The following EDRF1 variants were observed in gnomAD, a reference collection of about 807,000 sequenced individuals.
EDRF1 encodes erythroid differentiation-related factor 1.
In EDRF1, 69 loss-of-function variants were observed where a neutral mutation model predicts 148.7. The ratio of observed to expected loss-of-function variants is 0.46; its 90% CI spans 0.38 to 0.57. EDRF1 has a LOEUF of 0.57. Ranked by LOEUF, EDRF1 falls within the 20% of genes least tolerant of loss-of-function variation. The pLI is 0.00. For synonymous variants in EDRF1, 515 were observed against 532.8 expected (o/e 0.97, Z 0.46); for missense variants, 1,118 against 1,478.7 (o/e 0.76, Z 4.00).
intron 6 of EDRF1, 131 bp downstream of exon 6, chr10:125,725,969 G>A: frequency 9.7e-7 from 1 of 1,033,284 alleles, no homozygotes; most frequent in Non-Finnish European, 1.4e-6. Context: ...GGGGAAAAAA[G>A]ACTTCTGTCA....
At chr10:125,722,909 C>A (rs1202944009) in intron 2 of EDRF1, among the ~76,000 whole-genome samples, 159 bp from the exon 3 acceptor site, 1 of 152,034 alleles carries the variant, frequency 6.6e-6, no homozygotes, top group East Asian at 1.9e-4. Flanking sequence ...GAAAAAAAAA[C>A]TTGCCAACTG....
chr10:125,752,424 A>G (rs2133754727), intron 22 of EDRF1, among the ~76,000 whole-genome samples: 1 of 152,330 alleles, frequency 6.6e-6, no homozygotes, highest in Middle Eastern at 3.4e-3. Context: ...GTAATAAACT[A>G]TTTTACAGAT....
intron 18 of EDRF1, 58 bp from the exon 19 acceptor site, chr10:125,745,649 T>C: frequency 1.3e-6 from 2 of 1,567,044 alleles, no homozygotes; most frequent in Admixed American, 1.7e-5. Flanking sequence ...CAAGAGACAG[T>C]GCTAAGGTTT....
At position 125,741,116 on chromosome 10, in the gene EDRF1, AG is replaced by A; in HGVS notation, c.2287del (p.Ala763GlnfsTer40). On this transcript the variant is annotated frameshift_variant, in exon 17 of 25. Transcript: ENST00000356792. LOFTEE classifies it high-confidence loss of function. ...TGCTGGCCCAGAATGCAAATAATAG[AG>A]CAGCACACCTTGAAGAGTTTCATTA... ...LMLAQNANNR[A>X]AHLEEFHYQT... 6.2e-7 allele frequency: 1 copy of A among 1,614,166 alleles called. No homozygotes were observed. Among genetic ancestry groups the A allele is most frequent in the Non-Finnish European group, 8.5e-7 (1 of 1,180,046 alleles).
chr10:125,745,662 A>C, intron 18 of EDRF1, 45 bp from the exon 19 acceptor site: 1 of 1,597,292 alleles, frequency 6.3e-7, no homozygotes, highest in East Asian at 2.2e-5. Context: ...TAAGGTTTAC[A>C]CTGATGTCTG....
At position 125,733,265 on chromosome 10, in the gene EDRF1, A is replaced by G. The variant is rs532473147; in HGVS notation, c.1129-139A>G. 4 of 653,956 alleles carry G rather than the reference A, an allele frequency of 6.1e-6. No individual in the cohort carries two copies. In the East Asian group the frequency reaches 1.2e-4, roughly 20 times the overall value. 40.5% of individuals were successfully genotyped at this position (653,956 alleles called of 1,614,324 possible). A position where few individuals can be genotyped will look rare whatever the true frequency, so the allele number is the denominator to read the frequency against. On this transcript the variant is annotated intron_variant, in intron 9 of 24. Transcript: ENST00000356792. ...GGAGGCTGGGGCAGAAAAAAGATTA[A>G]AAACCACTGGTTTAAACACTTTCAT...
intron 6 of EDRF1, among the ~76,000 whole-genome samples, chr10:125,727,225 GCC>G (rs1002172913): frequency 2.0e-5 from 3 of 152,174 alleles, no homozygotes; most frequent in African/African-American, 7.2e-5. Context: ...ACACAGCAAG[GCC>G]CTACTAACAG....
chr10:125,749,326 G>C, intron 21 of EDRF1, 86 bp from the exon 22 acceptor site: 1 of 1,499,074 alleles, frequency 6.7e-7, no homozygotes, highest in East Asian at 2.3e-5. Flanking sequence ...AAGACCCACA[G>C]TGGGGGAAAA....
At position 125,719,724 on chromosome 10, in the gene EDRF1, T is replaced by C; in HGVS notation, c.-84T>C. ...CCGGAAGTGCGGTCCGCGGAGCGTC[T>C]CTGGCGCTTACCCTGCTTTGGGCCT... is the stretch of plus-strand genomic sequence containing the variant. On this transcript the variant is annotated 5_prime_UTR_variant, in exon 1 of 25. Transcript: ENST00000356792. 2 of 1,067,110 alleles carry C rather than the reference T, an allele frequency of 1.9e-6. No individual in the cohort carries two copies. Among genetic ancestry groups the C allele is most frequent in the Non-Finnish European group, 2.7e-6 (2 of 738,782 alleles). The allele number at this position is 1,067,110 out of a possible 1,614,324, so 66.1% of individuals were successfully genotyped here.
Position 125,740,562 on chromosome 10 carries a change from A to G in EDRF1, c.2081A>G (p.Lys694Arg), listed in dbSNP as rs892594410. The G allele has an allele frequency of 6.2e-7, 1 of 1,614,028 alleles. No homozygotes were observed. The highest frequency in any genetic ancestry group is 1.3e-5 in the African/African-American group (1 of 74,914). ...CTTCAGCTGATTCTCAAGTCATCAA[A>G]GGCCTATTATGTTTTGTCCGATGCT... Reference protein sequence around the residue: ...MKLQLILKSSKAYYVLSDAAM... With the variant: ...MKLQLILKSSRAYYVLSDAAM... Residue 694 changes from lysine to arginine, a missense_variant, in exon 16 of 25, where the codon AAG becomes AGG. Physicochemically the swap from Lys to Arg is conservative, Grantham distance 26. Transcript: ENST00000356792.
chr10:125,724,198 A>G lies in EDRF1; in HGVS notation c.510+262A>G, dbSNP rs541536527. Among the ~76,000 whole-genome samples the G allele has an allele frequency of 1.6e-4, 25 of 152,302 alleles. No individual in the cohort carries two copies. In the South Asian group the frequency reaches 3.3e-3, roughly 20 times the overall value. On this transcript the variant is annotated intron_variant, in intron 4 of 24. Transcript: ENST00000356792. ...GATGAAGCCAATGAAGAAAGTTGTG[A>G]AAAAAACTGTGAAATTTAAGGGACT...
intron 22 of EDRF1, 100 bp downstream of exon 22, chr10:125,749,665 T>A (rs1849542120): frequency 7.1e-7 from 1 of 1,414,778 alleles, no homozygotes; most frequent in Non-Finnish European, 9.8e-7. Flanking sequence ...TACTATTTTC[T>A]TTTTAATTTG....
chr10:125,752,804 A>C lies in EDRF1; in HGVS notation c.3283A>C (p.Asn1095His). 2 of 1,608,548 alleles carry C rather than the reference A, an allele frequency of 1.2e-6. No individual in the cohort carries two copies. The highest frequency in any genetic ancestry group is 1.7e-6 in the Non-Finnish European group (2 of 1,175,070). Reference sequence around the variant, plus strand: ...TTTTGTATTTAAAACTTTAGGTCAGAATAGCAATGTTGGAAAGTTGAAAAC... The same window carrying C: ...TTTTGTATTTAAAACTTTAGGTCAGCATAGCAATGTTGGAAAGTTGAAAAC... ...AFAEFQMTSQ[N>H]SNVGKLKTLS... Residue 1095 changes from asparagine to histidine, a missense_variant, in exon 23 of 25, where the codon AAT becomes CAT. By Grantham distance (68) the Asn-to-His change is moderately conservative. This residue lies in a region of EDRF1 where 954 missense variants were observed against 1,241.4 expected (regional missense o/e 0.77). Transcript: ENST00000356792.
At chr10:125,741,302 G>A in intron 17 of EDRF1, 101 bp downstream of exon 17, 1 of 1,071,840 alleles carries the variant, frequency 9.3e-7, no homozygotes, top group Non-Finnish European at 1.4e-6. Context: ...TTAGAGTTTT[G>A]ATATTTGCTC....
At chr10:125,730,539 A>G in intron 9 of EDRF1, 140 bp downstream of exon 9, 1 of 716,502 alleles carries the variant, frequency 1.4e-6, no homozygotes, top group Non-Finnish European at 2.6e-6. Context: ...ATTTGAGTGT[A>G]CATTTAAGTT....
At chr10:125,754,501 G>A (rs1444485504) in intron 24 of EDRF1, among the ~76,000 whole-genome samples, 9 of 152,184 alleles carry the variant, frequency 5.9e-5, no homozygotes, top group Admixed American at 5.2e-4. Context: ...GGAGGGTCTC[G>A]ACTGGAGTTT....
At chr10:125,754,031 C>T (rs1024291761) in intron 24 of EDRF1, among the ~76,000 whole-genome samples, 186 bp downstream of exon 24, 3 of 152,054 alleles carry the variant, frequency 2.0e-5, no homozygotes, top group Non-Finnish European at 4.4e-5. Flanking sequence ...GCCCGGCCAA[C>T]ATGGTGAAAC....
intron 2 of EDRF1, among the ~76,000 whole-genome samples, chr10:125,721,777 T>G (rs1171644820): frequency 1.3e-5 from 2 of 152,218 alleles, no homozygotes; most frequent in African/African-American, 2.4e-5. Context: ...TCCTTCATCT[T>G]TCCTGTGGAG....
At chr10:125,747,003 T>G (rs1849390581) in intron 19 of EDRF1, 1 of 153,354 alleles carries the variant, frequency 6.5e-6, no homozygotes. Flanking sequence ...TTGATTTTCT[T>G]TTTTAAATTT....
Sources: gnomAD v4.1 joint callset for allele counts (sites outside exome capture counted in the v4.1 genomes callset) on GRCh38, gnomAD v4.1.1 for gene constraint, gnomAD v4.1.1 regional missense constraint, MANE v1.5 for transcripts, NCBI Gene and HGNC (gene_info 2026-07-23, HGNC 2026-07-21) for gene names.